KLHL2: variants seen among roughly 807,000 people sequenced by gnomAD.
KLHL2 encodes the protein kelch like family member 2.
Under a neutral mutation model 75.8 loss-of-function variants are expected in KLHL2, and 15 were observed. The ratio of observed to expected loss-of-function variants is 0.20; its 90% CI spans 0.13 to 0.30. The LOEUF (loss-of-function observed/expected upper bound fraction) is 0.30, where lower values mean the gene tolerates loss of function less well. Ranked by LOEUF, KLHL2 falls within the 10% of genes least tolerant of loss-of-function variation. The pLI, the probability that KLHL2 is intolerant of heterozygous loss-of-function variation, is 1.00. For synonymous variants in KLHL2, 214 were observed against 251.9 expected (o/e 0.85, Z 1.42); for missense variants, 381 against 741.0 (o/e 0.51, Z 5.64).
chr4:165,298,092 G>C (rs116268787), intron 7 of KLHL2, among the ~76,000 whole-genome samples: 1,637 of 152,268 alleles, frequency 0.011, 22 homozygotes, highest in African/African-American at 0.035. Flanking sequence ...CAAACTACTG[G>C]GATTACAGGC....
chr4:165,286,546 A>G (rs546955038), intron 5 of KLHL2, among the ~76,000 whole-genome samples: 1 of 152,302 alleles, frequency 6.6e-6, no homozygotes, highest in South Asian at 2.1e-4. Flanking sequence ...GTAGAAACAT[A>G]TATAGAATCC....
At chr4:165,252,916 G>A (rs1165384946) in intron 4 of KLHL2, among the ~76,000 whole-genome samples, 2 of 152,250 alleles carry the variant, frequency 1.3e-5, no homozygotes, top group Non-Finnish European at 2.9e-5. Flanking sequence ...ATCTGTGGGA[G>A]TTTGGTTCCA....
chr4:165,310,007 A>G (rs1746025234), intron 9 of KLHL2, among the ~76,000 whole-genome samples: 1 of 152,200 alleles, frequency 6.6e-6, no homozygotes, highest in African/African-American at 2.4e-5. Context: ...AAGAGTCAAC[A>G]TGGTACTTTA....
At chr4:165,321,706 C>G (rs531282333) in intron 14 of KLHL2, among the ~76,000 whole-genome samples, 1 of 152,280 alleles carries the variant, frequency 6.6e-6, no homozygotes, top group South Asian at 2.1e-4. Context: ...ATGAAACCAT[C>G]ACCACAATCA....
At chr4:165,278,637 C>T (rs1743372787) in intron 5 of KLHL2, 2 of 1,591,526 alleles carry the variant, frequency 1.3e-6, no homozygotes, top group Non-Finnish European at 1.7e-6. Context: ...TTTATAATTC[C>T]AAGATTGTCT....
intron 2 of KLHL2, among the ~76,000 whole-genome samples, chr4:165,226,660 C>A (rs1440918993): frequency 6.6e-6 from 1 of 152,098 alleles, no homozygotes; most frequent in Non-Finnish European, 1.5e-5. Context: ...TTAAAACCCA[C>A]TAAAATTGGA....
chr4:165,219,897 A>G (rs761671481), intron 1 of KLHL2, 37 bp from the exon 2 acceptor site: 56 of 1,575,750 alleles, frequency 3.6e-5, no homozygotes, highest in Non-Finnish European at 4.4e-5. Context: ...CTTTAATAAG[A>G]TCTTTTTCTG....
chr4:165,306,094 T>G (rs1745708328), intron 9 of KLHL2, among the ~76,000 whole-genome samples: 1 of 152,252 alleles, frequency 6.6e-6, no homozygotes. Flanking sequence ...AAGGCATAAT[T>G]GCCTTCTTCA....
Position 165,298,582 on chromosome 4 carries a change from G to T in KLHL2, c.771+857G>T, listed in dbSNP as rs140948526. Among the ~76,000 whole-genome samples the T allele has an allele frequency of 9.6e-3, 1,463 of 152,086 alleles. 21 individuals carry two copies. Among genetic ancestry groups the T allele is most frequent in the African/African-American group, 0.031 (1,305 of 41,476 alleles). On this transcript the variant is annotated intron_variant, in intron 7 of 14. Coordinates refer to ENST00000226725, the MANE Select transcript of KLHL2 (RefSeq NM_007246.4). ...AAGAAATTAGATTTGAACATTTTAG[G>T]ATTTCTTGAAATCTCATTACTTTTT... is the stretch of plus-strand genomic sequence containing the variant.
intron 1 of KLHL2, chr4:165,210,295 G>A (rs983978398): frequency 1.9e-6 from 2 of 1,048,676 alleles, no homozygotes. Context: ...AATTTACATT[G>A]TTCTCAGATC....
At chr4:165,269,352 T>C (rs1742496947) in intron 5 of KLHL2, among the ~76,000 whole-genome samples, 1 of 152,190 alleles carries the variant, frequency 6.6e-6, no homozygotes, top group African/African-American at 2.4e-5. Flanking sequence ...GATCCTGTCA[T>C]TATGATGTTA....
intron 5 of KLHL2, among the ~76,000 whole-genome samples, chr4:165,288,884 G>A (rs561501824): frequency 4.0e-5 from 6 of 151,784 alleles, no homozygotes; most frequent in Middle Eastern, 3.4e-3. Flanking sequence ...TGAGGCCAGG[G>A]AAGGAATGTT....
chr4:165,291,712 G>A (rs1168424073), intron 5 of KLHL2, among the ~76,000 whole-genome samples: 1 of 152,138 alleles, frequency 6.6e-6, no homozygotes, highest in Non-Finnish European at 1.5e-5. Flanking sequence ...CCACATCCAT[G>A]GGGTATTGAT....
intron 4 of KLHL2, among the ~76,000 whole-genome samples, chr4:165,253,507 G>T (rs1740911755): frequency 6.6e-6 from 1 of 152,174 alleles, no homozygotes; most frequent in Non-Finnish European, 1.5e-5. Context: ...TCTGAGGTTG[G>T]TTGAATCCCA....
intron 1 of KLHL2, among the ~76,000 whole-genome samples, chr4:165,218,574 C>T (rs1467771935): frequency 6.6e-6 from 1 of 152,148 alleles, no homozygotes; most frequent in Non-Finnish European, 1.5e-5. Context: ...AACACCATTT[C>T]CCAACATGCC....
chr4:165,303,687 C>T (rs1165984047), intron 8 of KLHL2, among the ~76,000 whole-genome samples: 1 of 152,126 alleles, frequency 6.6e-6, no homozygotes, highest in Non-Finnish European at 1.5e-5. Flanking sequence ...CTCAGCCTCC[C>T]AAGTAGCTGG....
At position 165,264,682 on chromosome 4, in the gene KLHL2, A is replaced by ATGTGTGTG. The variant is rs760543186; in HGVS notation, c.544+1339_544+1346dup. 1.9e-4 allele frequency among the ~76,000 whole-genome samples: 13 copies of ATGTGTGTG among 68,682 alleles called. No homozygotes were observed. The South Asian group carries it at 2.2e-3, about 12-fold the overall frequency. The allele number at this position is 68,682 out of a possible 152,430, so 45.1% of individuals were successfully genotyped here. A position where few individuals can be genotyped will look rare whatever the true frequency, so the allele number is the denominator to read the frequency against. On this transcript the variant is annotated intron_variant, in intron 5 of 14. Coordinates refer to ENST00000226725, the MANE Select transcript of KLHL2 (RefSeq NM_007246.4). ...CATATATGTCTACATACGTATATGT[A>ATGTGTGTG]TGTGTGTGTGTGTGTGTGTGTGTAT...
chr4:165,283,875 C>G (rs1190048310), intron 5 of KLHL2, among the ~76,000 whole-genome samples: 1 of 152,188 alleles, frequency 6.6e-6, no homozygotes, highest in Non-Finnish European at 1.5e-5. Context: ...TGGAGGTTAC[C>G]AAACCTCAAT....
chr4:165,303,493 T>TTCCCCCC (rs1335606508), intron 8 of KLHL2, among the ~76,000 whole-genome samples: 7 of 95,896 alleles, frequency 7.3e-5, no homozygotes, highest in Non-Finnish European at 1.2e-4. Context: ...TTTACAACCT[T>TTCCCCCC]GCCCCCCCCG....
Sources: gnomAD v4.1 joint callset for allele counts (sites outside exome capture counted in the v4.1 genomes callset) on GRCh38, gnomAD v4.1.1 for gene constraint, MANE v1.5 for transcripts, NCBI Gene and HGNC (gene_info 2026-07-23, HGNC 2026-07-21) for gene names.